Variants in SLC43A2 observed in about 807,000 individuals in gnomAD.
SLC43A2 encodes the protein solute carrier family 43 member 2.
A neutral mutation model predicts 63.2 loss-of-function variants in SLC43A2; 38 were observed. The ratio of observed to expected loss-of-function variants is 0.60; its 90% CI spans 0.46 to 0.79. The LOEUF (loss-of-function observed/expected upper bound fraction) is 0.79, where lower values mean the gene tolerates loss of function less well. Among genes scored for constraint, SLC43A2 ranks in the 30% least tolerant of loss-of-function variants. The probability of loss-of-function intolerance (pLI) is 0.00; values close to 1 mark genes in which losing one functional copy is unlikely to be tolerated. For missense variants in SLC43A2, 644 were observed against 756.2 expected (o/e 0.85, Z 1.74); for synonymous variants, 322 against 331.0 (o/e 0.97, Z 0.30).
Position 1,616,757 on chromosome 17 carries a change from T to C in SLC43A2, c.173A>G (p.Asn58Ser), listed in dbSNP as rs775683443. 1.8e-5 allele frequency: 29 copies of C among 1,613,770 alleles called. No individual in the cohort carries two copies. Among genetic ancestry groups the C allele is most frequent in the Admixed American group, 1.0e-4 (6 of 60,000 alleles). Residue 58 changes from asparagine to serine, a missense_variant, in exon 3 of 14, where the codon AAT becomes AGT. Physicochemically the swap from Asn to Ser is conservative, Grantham distance 46. This residue lies in a region of SLC43A2 where 528 missense variants were observed against 623.6 expected (regional missense o/e 0.85). Transcript: ENST00000301335. ...YLCTEPENVT[N>S]GTVGGTAEPG... ...CTCTGCTGTGCCGCCCACTGTGCCA[T>C]TGGTGACATTCTCTGTGTGAAGAGG...
At position 1,607,639 on chromosome 17, in the gene SLC43A2, C is replaced by T. The variant is rs117440259; in HGVS notation, c.501+5556G>A. ...GTGGGTGTCAGCACATGCCCTCAGA[C>T]GAGGAACAGTGACGTAGCAGCTTCC... On this transcript the variant is annotated intron_variant, in intron 5 of 13. Coordinates refer to ENST00000301335, the MANE Select transcript of SLC43A2 (RefSeq NM_152346.3). Among the ~76,000 whole-genome samples, 703 of 152,034 alleles carry T rather than the reference C, an allele frequency of 4.6e-3. 36 individuals are homozygous for T. The East Asian group carries it at 0.12, about 25-fold the overall frequency.
rs1169547795 is a variant in SLC43A2 at position 1,576,799 on chromosome 17, G to A, written c.1425-79C>T. ...CCCAGGTGTCTGGTGACCCCGGGCT[G>A]CACCGTTGGTGCCAGAGAAGGGTGG... On this transcript the variant is annotated intron_variant, in intron 12 of 13. Coordinates refer to ENST00000301335, the MANE Select transcript of SLC43A2 (RefSeq NM_152346.3). 3.3e-6 allele frequency: 5 copies of A among 1,537,336 alleles called. No individual in the cohort carries two copies. In the African/African-American group the frequency reaches 5.6e-5, roughly 17 times the overall value.
At chr17:1,604,633 T>C (rs1906411294) in intron 5 of SLC43A2, 9 of 1,223,286 alleles carry the variant, frequency 7.4e-6, no homozygotes, top group African/African-American at 3.0e-5. Context: ...CTCAGCCTCC[T>C]GAGCAGCTGA....
At chr17:1,609,122 A>G (rs1906869986) in intron 5 of SLC43A2, among the ~76,000 whole-genome samples, 1 of 152,220 alleles carries the variant, frequency 6.6e-6, no homozygotes, top group Non-Finnish European at 1.5e-5. Flanking sequence ...CAGAGTGGCT[A>G]TGTTTTAAAG....
chr17:1,586,200 G>A (rs924809651), intron 9 of SLC43A2, 149 bp from the exon 10 acceptor site: 53 of 1,262,420 alleles, frequency 4.2e-5, no homozygotes, highest in Middle Eastern at 2.8e-4. Flanking sequence ...CGAGGAGCCC[G>A]GAGACCTTAA....
At chr17:1,576,841 T>G (rs1054843275) in intron 12 of SLC43A2, 121 bp from the exon 13 acceptor site, 4 of 1,233,492 alleles carry the variant, frequency 3.2e-6, no homozygotes, top group African/African-American at 1.5e-5. Context: ...AGCCCTCGGA[T>G]TCCTTCCTGC....
At chr17:1,591,747 A>G in intron 6 of SLC43A2, 48 bp from the exon 7 acceptor site, 2 of 1,250,630 alleles carry the variant, frequency 1.6e-6, no homozygotes, top group Non-Finnish European at 2.2e-6. Context: ...GGGCAGAGTT[A>G]GCCCGGGGAG....
rs1192849532 is a variant in SLC43A2 at position 1,574,700 on chromosome 17, C to T, written c.*904G>A. On this transcript the variant is annotated 3_prime_UTR_variant, in exon 14 of 14. Coordinates refer to ENST00000301335, the MANE Select transcript of SLC43A2 (RefSeq NM_152346.3). ...CCTGGGCACTGGCCCAGCTGCAGGC[C>T]TGGCGGCTCCCGCCTGGTCAGTGGG... 2 of 152,390 alleles carry T rather than the reference C, an allele frequency of 1.3e-5. No homozygotes were observed. The highest frequency in any genetic ancestry group is 4.8e-5 in the African/African-American group (2 of 41,486). 9.4% of individuals were successfully genotyped at this position (152,390 alleles called of 1,614,324 possible). A position where few individuals can be genotyped will look rare whatever the true frequency, so the allele number is the denominator to read the frequency against.
Position 1,585,981 on chromosome 17 carries a change from G to A in SLC43A2, c.1149C>T (p.Tyr383=), listed in dbSNP as rs763445677. Residue 383 remains tyrosine, a synonymous_variant, in exon 10 of 14, where the codon TAC becomes TAT. Transcript: ENST00000301335. ...LCLLTAPVIG[Y]IMDWRLKECE... is the part of the protein sequence containing the mutation. ...ACTCCTTCAGCCTCCAGTCCATGAT[G>A]TAGCCAATGACGGGGGCCGTCAGCA... 1.9e-6 allele frequency: 3 copies of A among 1,612,906 alleles called. No homozygotes were observed. Among genetic ancestry groups the A allele is most frequent in the South Asian group, 1.1e-5 (1 of 91,064 alleles).
chr17:1,600,152 ATTTTTT>A lies in SLC43A2; in HGVS notation c.502-6879_502-6874del, dbSNP rs1555541181. Among the ~76,000 whole-genome samples, 4 of 60,280 alleles carry A rather than the reference ATTTTTT, an allele frequency of 6.6e-5. No individual in the cohort carries two copies. The Admixed American group carries it at 9.9e-4, about 15-fold the overall frequency. The allele number at this position is 60,280 out of a possible 152,430, so 39.5% of individuals were successfully genotyped here. On this transcript the variant is annotated intron_variant, in intron 5 of 13. Transcript: ENST00000301335. ...ATTAATTGAATATATATATATATAT[ATTTTTT>A]TTTTTTTTTTGAGACGGAGTCTGGC...
At chr17:1,628,145 G>T in intron 1 of SLC43A2, 1 of 327,866 alleles carries the variant, frequency 3.1e-6, no homozygotes. Context: ...AGCCGCCCCG[G>T]CCAGGCAGGG....
rs2075963053 is a variant in SLC43A2 at position 1,578,269 on chromosome 17, C to T, written c.1405G>A (p.Gly469Arg). The change falls in exon 12 of 14, where the codon GGG (glycine) becomes AGG (arginine). Residue 469 changes from glycine (G) to arginine (R), a missense_variant. Coordinates refer to ENST00000301335, the MANE Select transcript of SLC43A2 (RefSeq NM_152346.3). The surrounding 1 kb of genome is among the most constrained non-coding windows in gnomAD (Gnocchi z 6.5). Reference protein sequence around the residue: ...IVRGFIHSAVGGLYAAVYPST... With the variant: ...IVRGFIHSAVRGLYAAVYPST... ...ACTTACACGGCAGCGTACAGGCCCC[C>T]GACAGCGGAGTGGATGAATCCTCGC... 6.2e-7 allele frequency: 1 copy of T among 1,613,916 alleles called. No individual in the cohort carries two copies. The highest frequency in any genetic ancestry group is 1.1e-5 in the South Asian group (1 of 91,082).
Position 1,593,851 on chromosome 17 carries a change from T to C in SLC43A2, c.502-572A>G, listed in dbSNP as rs1905035975. On this transcript the variant is annotated intron_variant, in intron 5 of 13. Coordinates refer to ENST00000301335, the MANE Select transcript of SLC43A2 (RefSeq NM_152346.3). The surrounding 1 kb of genome is among the most constrained non-coding windows in gnomAD (Gnocchi z 5.3). ...TTCCTGCTTCTGAATTTCTTTTCTT[T>C]GTTTTGAGATGGGGTTTTGCTCTTG... Among the ~76,000 whole-genome samples the C allele has an allele frequency of 6.6e-6, 1 of 152,112 alleles. No individual in the cohort carries two copies. The highest frequency in any genetic ancestry group is 2.1e-4 in the South Asian group (1 of 4,826).
intron 12 of SLC43A2, 85 bp from the exon 13 acceptor site, chr17:1,576,805 T>C (rs2151026577): frequency 1.3e-6 from 2 of 1,516,750 alleles, no homozygotes; most frequent in South Asian, 1.2e-5. Context: ...GGCTGCACCG[T>C]TGGTGCCAGA....
Position 1,585,237 on chromosome 17 carries a change from T to C in SLC43A2, c.1217+676A>G, listed in dbSNP as rs996837953. The C allele has an allele frequency of 5.5e-5, 55 of 994,704 alleles. No individual in the cohort carries two copies. In the African/African-American group the frequency reaches 9.3e-4, roughly 17 times the overall value. 61.6% of individuals were successfully genotyped at this position (994,704 alleles called of 1,614,324 possible). A position where few individuals can be genotyped will look rare whatever the true frequency, so the allele number is the denominator to read the frequency against. On this transcript the variant is annotated intron_variant, in intron 10 of 13. Coordinates refer to ENST00000301335, the MANE Select transcript of SLC43A2 (RefSeq NM_152346.3). Reference sequence around the variant, plus strand: ...TTTTTCTTCCTTCTTACTCAATGCTTCTTCTTTATTGTTTTTTCTTTTTGA... The same window carrying C: ...TTTTTCTTCCTTCTTACTCAATGCTCCTTCTTTATTGTTTTTTCTTTTTGA...
chr17:1,598,715 C>T (rs1471896895), intron 5 of SLC43A2, among the ~76,000 whole-genome samples: 1 of 152,186 alleles, frequency 6.6e-6, no homozygotes, highest in East Asian at 1.9e-4. Context: ...CCTGGGGTGA[C>T]CATGTGGCCC....
At chr17:1,627,150 G>A (rs764283101) in intron 2 of SLC43A2, among the ~76,000 whole-genome samples, 2 of 152,166 alleles carry the variant, frequency 1.3e-5, no homozygotes, top group African/African-American at 4.8e-5. Context: ...CTCAGAGCCC[G>A]TGGGGGAAAT....
In SLC43A2 at chr17:1,605,825, G is replaced by A. The variant is rs1032561176; in HGVS notation, c.501+7370C>T. On this transcript the variant is annotated intron_variant, in intron 5 of 13. Transcript: ENST00000301335. The surrounding 1 kb of genome is among the most constrained non-coding windows in gnomAD (Gnocchi z 4.9). ...CCAAGCACATGCTGCCCGGGACAAG[G>A]TCCTTGTGGTCACCTTTCTGCTTCA... Among the ~76,000 whole-genome samples the A allele has an allele frequency of 2.0e-5, 3 of 152,154 alleles. No individual in the cohort carries two copies. The highest frequency in any genetic ancestry group is 7.2e-5 in the African/African-American group (3 of 41,418).
In SLC43A2 at chr17:1,605,714, C is replaced by T. The variant is rs150026856; in HGVS notation, c.501+7481G>A. On this transcript the variant is annotated intron_variant, in intron 5 of 13. Transcript: ENST00000301335. This position sits in a 1 kb window ranked among gnomAD's most constrained non-coding sequence, Gnocchi z 4.9. Reference sequence around the variant, plus strand: ...GTACACACCCAGAGTTCTGTACAACCTGCACAGGCCGGGATCCCGGAACCA... The same window carrying T: ...GTACACACCCAGAGTTCTGTACAACTTGCACAGGCCGGGATCCCGGAACCA... Among the ~76,000 whole-genome samples the T allele has an allele frequency of 8.5e-5, 13 of 152,288 alleles. No homozygotes were observed. In the East Asian group the frequency reaches 2.5e-3, roughly 29 times the overall value.
Sources: gnomAD v4.1 joint callset for allele counts (sites outside exome capture counted in the v4.1 genomes callset) on GRCh38, gnomAD v4.1.1 for gene constraint, gnomAD v4.1.1 regional missense constraint, Gnocchi (gnomAD v3.1) non-coding constraint, MANE v1.5 for transcripts, NCBI Gene and HGNC (gene_info 2026-07-23, HGNC 2026-07-21) for gene names.